ASPH: variants seen among roughly 807,000 people sequenced by gnomAD.
The protein encoded by ASPH is aspartyl/asparaginyl beta-hydroxylase.
Under a neutral mutation model 118.4 loss-of-function variants are expected in ASPH, and 100 were observed. The ratio of observed to expected loss-of-function variants is 0.84; its 90% CI spans 0.72 to 1.00. The LOEUF is 1.00. Ranked by LOEUF, ASPH falls within the 50% of genes least tolerant of loss-of-function variation. ASPH has a pLI of 0.00. For missense variants in ASPH, 920 were observed against 919.5 expected (o/e 1.00, Z -0.01); for synonymous variants, 315 against 325.6 (o/e 0.97, Z 0.35).
At chr8:61,556,195 G>C (rs1034336539) in intron 18 of ASPH, among the ~76,000 whole-genome samples, 173 bp from the exon 19 acceptor site, 1 of 152,190 alleles carries the variant, frequency 6.6e-6, no homozygotes, top group African/African-American at 2.4e-5. Flanking sequence ...ATATCATTAA[G>C]CTTAAATGGC....
chr8:61,533,670 T>C (rs1172441035), intron 21 of ASPH, among the ~76,000 whole-genome samples: 1 of 152,206 alleles, frequency 6.6e-6, no homozygotes, highest in South Asian at 2.1e-4. Flanking sequence ...GTCTATTCTC[T>C]GAGGCCATGC....
intron 14 of ASPH, among the ~76,000 whole-genome samples, chr8:61,598,000 T>C (rs1842926008): frequency 6.6e-6 from 1 of 152,118 alleles, no homozygotes; most frequent in Non-Finnish European, 1.5e-5. Flanking sequence ...AAGAGTCAAA[T>C]GTTACCAGTA....
intron 13 of ASPH, chr8:61,632,721 G>A (rs1047248201): frequency 1.4e-5 from 6 of 428,390 alleles, no homozygotes; most frequent in Non-Finnish European, 2.8e-5. Context: ...AAAACCTAAG[G>A]CATCCCACAT....
intron 1 of ASPH, among the ~76,000 whole-genome samples, chr8:61,696,879 A>G (rs7002770): frequency 0.15 from 22,388 of 152,230 alleles, 1,673 homozygotes; most frequent in African/African-American, 0.19. Flanking sequence ...GAAACAAAAA[A>G]GCTTAATCCT....
chr8:61,537,048 A>T (rs1298592740), intron 21 of ASPH, among the ~76,000 whole-genome samples: 1 of 152,204 alleles, frequency 6.6e-6, no homozygotes, highest in Non-Finnish European at 1.5e-5. Context: ...AGGAGAAAAG[A>T]TAATCCAGGT....
In ASPH at chr8:61,583,926, C is replaced by A; in HGVS notation, c.1062+18G>T. 1.3e-6 allele frequency: 2 copies of A among 1,510,868 alleles called. No homozygotes were observed. The highest frequency in any genetic ancestry group is 1.2e-5 in the South Asian group (1 of 81,026). 93.6% of individuals were successfully genotyped at this position (1,510,868 alleles called of 1,614,324 possible). A position where few individuals can be genotyped will look rare whatever the true frequency, so the allele number is the denominator to read the frequency against. On this transcript the variant is annotated intron_variant, in intron 15 of 24. Coordinates refer to ENST00000379454, the MANE Select transcript of ASPH (RefSeq NM_004318.4). Reference sequence around the variant, plus strand: ...TTTATTTAACAACAAAACCATTGCACAAAAAATATCAACCTACCCTTTTAC... The same window carrying A: ...TTTATTTAACAACAAAACCATTGCAAAAAAAATATCAACCTACCCTTTTAC...
At position 61,643,888 on chromosome 8, in the gene ASPH, G is replaced by A. The variant is rs374026586; in HGVS notation, c.709+57C>T. ...CAATTGTTAACCCTGGAATAAAACG[G>A]CCTTGGCCACTGCCTCAATCAGAAA... On this transcript the variant is annotated intron_variant, in intron 8 of 24. Transcript: ENST00000379454. The A allele has an allele frequency of 5.2e-4, 718 of 1,367,618 alleles. 1 individual carries two copies. Among genetic ancestry groups the A allele is most frequent in the Middle Eastern group, 2.5e-3 (14 of 5,674 alleles). 84.7% of individuals were successfully genotyped at this position (1,367,618 alleles called of 1,614,324 possible).
intron 20 of ASPH, among the ~76,000 whole-genome samples, chr8:61,550,155 TAG>T (rs1191494296): frequency 1.3e-5 from 2 of 152,102 alleles, no homozygotes; most frequent in Admixed American, 6.5e-5. Flanking sequence ...TGAATTCAGC[TAG>T]AGTGCTTTTT....
intron 3 of ASPH, among the ~76,000 whole-genome samples, chr8:61,671,111 G>A (rs1399921607): frequency 1.3e-5 from 2 of 152,160 alleles, no homozygotes; most frequent in Non-Finnish European, 2.9e-5. Context: ...ACAGCACGTA[G>A]AGGGGAAAAA....
chr8:61,638,797 G>A (rs1405226038), intron 10 of ASPH, among the ~76,000 whole-genome samples: 1 of 152,116 alleles, frequency 6.6e-6, no homozygotes, highest in Non-Finnish European at 1.5e-5. Flanking sequence ...ATTAGGGCGT[G>A]CTGCCCTTGC....
At chr8:61,585,050 C>G (rs192530393) in intron 14 of ASPH, among the ~76,000 whole-genome samples, 1 of 152,194 alleles carries the variant, frequency 6.6e-6, no homozygotes, top group African/African-American at 2.4e-5. Context: ...ATCCTTCACG[C>G]GCTTATCTTA....
chr8:61,501,324 C>T lies in ASPH; in HGVS notation c.*2035G>A, dbSNP rs1804886224. ...GGAGTCAATTATTGACAACACTTTG[C>T]AACAGTAATACCATTTCTAGCTTTT... On this transcript the variant is annotated 3_prime_UTR_variant, in exon 25 of 25. Transcript: ENST00000379454. The T allele has an allele frequency of 6.6e-6, 1 of 152,118 alleles. No individual in the cohort carries two copies. The highest frequency in any genetic ancestry group is 2.1e-4 in the South Asian group (1 of 4,830). 9.4% of individuals were successfully genotyped at this position (152,118 alleles called of 1,614,324 possible). A position where few individuals can be genotyped will look rare whatever the true frequency, so the allele number is the denominator to read the frequency against.
chr8:61,568,599 G>C (rs1463248601), intron 16 of ASPH, among the ~76,000 whole-genome samples: 4 of 152,192 alleles, frequency 2.6e-5, no homozygotes, highest in Admixed American at 2.6e-4. Context: ...AAGTTCAGGA[G>C]GGAGGTCAGA....
At chr8:61,523,921 T>C (rs878978546) in intron 22 of ASPH, among the ~76,000 whole-genome samples, 1 of 152,126 alleles carries the variant, frequency 6.6e-6, no homozygotes, top group Non-Finnish European at 1.5e-5. Context: ...TGAGACCCTA[T>C]CTCTATAAAA....
At chr8:61,629,755 C>T (rs1320294566) in intron 13 of ASPH, among the ~76,000 whole-genome samples, 4 of 152,230 alleles carry the variant, frequency 2.6e-5, no homozygotes, top group Non-Finnish European at 1.5e-5. Flanking sequence ...GAATATATAA[C>T]ACATCTGATT....
intron 18 of ASPH, among the ~76,000 whole-genome samples, chr8:61,560,959 C>T (rs1048198091): frequency 2.7e-5 from 4 of 149,630 alleles, no homozygotes; most frequent in East Asian, 2.0e-4. Flanking sequence ...AGGTAGGAAG[C>T]GAGAGAGGGA....
chr8:61,611,386 A>G (rs1847308078), intron 14 of ASPH, among the ~76,000 whole-genome samples: 1 of 152,166 alleles, frequency 6.6e-6, no homozygotes, highest in Non-Finnish European at 1.5e-5. Context: ...ACACTCTGTC[A>G]TTTCTGCAAT....
intron 3 of ASPH, among the ~76,000 whole-genome samples, chr8:61,671,337 G>GA (rs1283313608): frequency 4.0e-5 from 6 of 150,708 alleles, no homozygotes; most frequent in Non-Finnish European, 5.9e-5. Context: ...AATGTCTAGG[G>GA]AAAAAAAAGA....
chr8:61,676,037 G>C, intron 3 of ASPH: 1 of 1,595,002 alleles, frequency 6.3e-7, no homozygotes, highest in East Asian at 2.2e-5. Context: ...GCTGCTTCAG[G>C]TGTTCATTAG....
Sources: allele counts gnomAD v4.1 joint callset (sites outside exome capture counted in the v4.1 genomes callset), GRCh38; gene constraint gnomAD v4.1.1; transcripts MANE v1.5; gene names NCBI Gene and HGNC (gene_info 2026-07-23, HGNC 2026-07-21).